The following ROBO1 variants were observed in gnomAD, a reference collection of about 807,000 sequenced individuals.
ROBO1 encodes roundabout guidance receptor 1.
In ROBO1, 149 loss-of-function variants were observed where a neutral mutation model predicts 195.9. The ratio of observed to expected loss-of-function variants is 0.76; its 90% confidence interval spans 0.67 to 0.87. ROBO1 has a LOEUF of 0.87. Among genes scored for constraint, ROBO1 ranks in the 40% least tolerant of loss-of-function variants. The probability of loss-of-function intolerance (pLI) is 0.00; values close to 1 mark genes in which losing one functional copy is unlikely to be tolerated. For missense variants in ROBO1, 1,933 were observed against 2,068.3 expected, an observed-to-expected ratio of 0.93 and a Z score of 1.27; for synonymous variants, 816 against 733.2, an observed-to-expected ratio of 1.11 and a Z score of -1.82.
chr3:79,370,295 T>C (rs2036144036), intron 2 of ROBO1, among the ~76,000 whole-genome samples: 1 of 151,528 alleles, frequency 6.6e-6, no homozygotes, highest in African/African-American at 2.4e-5. Context: ...GAGGCGGAGG[T>C]TGCAGTAAAC....
At chr3:78,684,640 T>C (rs145608351) in intron 10 of ROBO1, among the ~76,000 whole-genome samples, 1 of 152,206 alleles carries the variant, frequency 6.6e-6, no homozygotes, top group African/African-American at 2.4e-5. Context: ...GCTGTTACAA[T>C]TTCACACTAC....
chr3:78,710,565 A>G (rs1434072166), intron 8 of ROBO1, among the ~76,000 whole-genome samples: 1 of 152,154 alleles, frequency 6.6e-6, no homozygotes, highest in Non-Finnish European at 1.5e-5. Flanking sequence ...GTACTGTATA[A>G]CAGATAATAT....
At chr3:79,241,990 G>T (rs1284257157) in intron 2 of ROBO1, among the ~76,000 whole-genome samples, 5 of 146,340 alleles carry the variant, frequency 3.4e-5, no homozygotes, top group Admixed American at 6.9e-5. Context: ...AGACTCCCTT[G>T]CAGCTAGGTG....
chr3:79,519,521 C>G lies in ROBO1; in HGVS notation c.88+70303G>C, dbSNP rs559557538. On this transcript the variant is annotated intron_variant, in intron 2 of 30. Coordinates refer to ENST00000464233, the MANE Select transcript of ROBO1 (RefSeq NM_002941.4). Reference sequence around the variant, plus strand: ...GCGGGCGCCTGTAGTCTCAGCTATTCGAGAGGCTGAGGCAGGAGAATGGCG... The same window carrying G: ...GCGGGCGCCTGTAGTCTCAGCTATTGGAGAGGCTGAGGCAGGAGAATGGCG... Among the ~76,000 whole-genome samples, 5 of 146,332 alleles carry G rather than the reference C, an allele frequency of 3.4e-5. No homozygotes were observed. In the East Asian group the frequency reaches 6.2e-4, roughly 18 times the overall value.
chr3:79,077,692 TAA>T (rs1435236163), intron 3 of ROBO1, among the ~76,000 whole-genome samples: 1 of 151,890 alleles, frequency 6.6e-6, no homozygotes, highest in East Asian at 1.9e-4. Context: ...AAAAATATAA[TAA>T]GTCATGTTTC....
At chr3:79,564,056 G>C (rs1193054318) in intron 2 of ROBO1, among the ~76,000 whole-genome samples, 8 of 149,268 alleles carry the variant, frequency 5.4e-5, no homozygotes, top group Non-Finnish European at 1.2e-4. Flanking sequence ...CATAATGAAA[G>C]GTGGATGACA....
chr3:78,753,253 G>A (rs1286534061), intron 4 of ROBO1, among the ~76,000 whole-genome samples: 1 of 152,118 alleles, frequency 6.6e-6, no homozygotes, highest in Middle Eastern at 3.2e-3. Flanking sequence ...GCAATCTGCT[G>A]GGCTGTAGAA....
At chr3:78,682,521 A>G (rs2080945276) in intron 10 of ROBO1, among the ~76,000 whole-genome samples, 1 of 147,498 alleles carries the variant, frequency 6.8e-6, no homozygotes, top group African/African-American at 2.5e-5. Context: ...GACTGTGTAT[A>G]TATGTGTATA....
chr3:79,075,022 T>A (rs940349771), intron 3 of ROBO1, among the ~76,000 whole-genome samples: 7 of 151,934 alleles, frequency 4.6e-5, no homozygotes, highest in Admixed American at 1.3e-4. Flanking sequence ...TAATATGGAA[T>A]AACTATCCAC....
At chr3:78,646,240 A>G (rs1706282927) in intron 20 of ROBO1, 50 bp from the exon 21 acceptor site, 1 of 1,511,312 alleles carries the variant, frequency 6.6e-7, no homozygotes, top group Non-Finnish European at 9.2e-7. Flanking sequence ...ATATTTATAT[A>G]TCAAAAGCTA....
chr3:79,749,828 G>A (rs563621471), intron 1 of ROBO1, among the ~76,000 whole-genome samples: 1 of 152,186 alleles, frequency 6.6e-6, no homozygotes, highest in Non-Finnish European at 1.5e-5. Flanking sequence ...ACAGGGGAAG[G>A]GACCTCATGG....
At chr3:78,996,264 C>T (rs2077362268) in intron 3 of ROBO1, among the ~76,000 whole-genome samples, 1 of 150,994 alleles carries the variant, frequency 6.6e-6, no homozygotes, top group African/African-American at 2.4e-5. Context: ...GACAGAACTG[C>T]TTGAGGCCAG....
chr3:79,737,371 A>G (rs1048659887), intron 1 of ROBO1, among the ~76,000 whole-genome samples: 7 of 152,194 alleles, frequency 4.6e-5, no homozygotes, highest in South Asian at 2.1e-4. Flanking sequence ...AGAATCCTCA[A>G]TGTAATCAAA....
At chr3:79,446,813 T>C (rs974898313) in intron 2 of ROBO1, among the ~76,000 whole-genome samples, 1 of 152,106 alleles carries the variant, frequency 6.6e-6, no homozygotes. Context: ...TTCAAAAAAG[T>C]TTTAAAATGC....
chr3:79,652,052 T>C (rs535848430), intron 1 of ROBO1, among the ~76,000 whole-genome samples: 10 of 152,294 alleles, frequency 6.6e-5, no homozygotes, highest in African/African-American at 2.4e-4. Context: ...TCAGTGGAAC[T>C]GAAGCCCTCA....
chr3:78,627,643 T>C (rs1268761531), intron 25 of ROBO1, 74 bp from the exon 26 acceptor site: 11 of 1,435,964 alleles, frequency 7.7e-6, no homozygotes, highest in African/African-American at 5.7e-5. Flanking sequence ...TAATGAAATG[T>C]CACCTTTAAA....
chr3:79,487,165 T>C (rs1489815820), intron 2 of ROBO1, among the ~76,000 whole-genome samples: 2 of 152,270 alleles, frequency 1.3e-5, no homozygotes, highest in African/African-American at 2.4e-5. Flanking sequence ...CTATGTAATA[T>C]ACATAAAATG....
rs868136174 is a variant in ROBO1 at position 79,612,616 on chromosome 3, C to T, written c.-50-22655G>A. ...TGAGGAATCGCCACACTGACTTCCACAATGGTTGAACTAGTTTACAGTCCC... is the reference window on the plus strand; with the variant it reads ...TGAGGAATCGCCACACTGACTTCCATAATGGTTGAACTAGTTTACAGTCCC... On this transcript the variant is annotated intron_variant, in intron 1 of 30. Transcript: ENST00000464233. 1.2e-3 allele frequency among the ~76,000 whole-genome samples: 176 copies of T among 148,106 alleles called. 1 individual carries two copies. In the Middle Eastern group the frequency reaches 0.041, roughly 35 times the overall value.
intron 2 of ROBO1, among the ~76,000 whole-genome samples, chr3:79,418,300 G>A (rs2106915064): frequency 6.6e-6 from 1 of 152,188 alleles, no homozygotes; most frequent in Non-Finnish European, 1.5e-5. Context: ...GTAATCAATA[G>A]TATTATAGCA....
Sources: gnomAD v4.1 joint callset for allele counts (sites outside exome capture counted in the v4.1 genomes callset) on GRCh38, gnomAD v4.1.1 for gene constraint, MANE v1.5 for transcripts, NCBI Gene and HGNC (gene_info 2026-07-23, HGNC 2026-07-21) for gene names.